Variants in CDK8 observed in about 807,000 individuals in gnomAD.
CDK8 encodes the protein cyclin-dependent kinase 8.
Under a neutral mutation model 71.5 loss-of-function variants are expected in CDK8, and 29 were observed. The ratio of observed to expected loss-of-function variants is 0.41; its 90% CI spans 0.30 to 0.55. The LOEUF (loss-of-function observed/expected upper bound fraction) is 0.55. CDK8 is among the 20% of genes least tolerant of loss of function. The pLI, the probability that CDK8 is intolerant of heterozygous loss-of-function variation, is 0.37. For synonymous variants in CDK8, 161 were observed against 192.1 expected, an observed-to-expected ratio of 0.84 and a Z score of 1.34; for missense variants, 288 against 572.6, an observed-to-expected ratio of 0.50 and a Z score of 5.07.
chr13:26,289,974 T>G (rs1221778370), intron 1 of CDK8, among the ~76,000 whole-genome samples: 1 of 152,252 alleles, frequency 6.6e-6, no homozygotes, highest in East Asian at 1.9e-4. Context: ...TTAGATTTTC[T>G]TGAGTACTCT....
At chr13:26,342,535 G>T (rs537137198) in intron 2 of CDK8, among the ~76,000 whole-genome samples, 22 of 152,194 alleles carry the variant, frequency 1.4e-4, no homozygotes, top group Admixed American at 3.9e-4. Flanking sequence ...TGCCTGGCGT[G>T]TAGTAGGCAT....
chr13:26,298,656 A>G, intron 1 of CDK8, among the ~76,000 whole-genome samples: 1 of 152,114 alleles, frequency 6.6e-6, no homozygotes, highest in East Asian at 1.9e-4. Context: ...GTCAAAACCC[A>G]CAGCAGGGGA....
chr13:26,399,309 C>T (rs535580775), intron 9 of CDK8, among the ~76,000 whole-genome samples: 1 of 152,304 alleles, frequency 6.6e-6, no homozygotes, highest in Admixed American at 6.5e-5. Flanking sequence ...CACACCTGGC[C>T]TCTCTTTTAA....
chr13:26,396,248 C>G, intron 7 of CDK8, 37 bp from the exon 8 acceptor site: 3 of 900,088 alleles, frequency 3.3e-6, no homozygotes, highest in Non-Finnish European at 3.3e-6. Flanking sequence ...AGAATAGGAA[C>G]TTAGGCAACA....
chr13:26,336,195 C>T (rs1872975631), intron 1 of CDK8, among the ~76,000 whole-genome samples: 1 of 152,012 alleles, frequency 6.6e-6, no homozygotes, highest in Non-Finnish European at 1.5e-5. Context: ...CCTGGAACCC[C>T]CTGGGTGTCT....
At chr13:26,379,046 A>G (rs887856687) in intron 4 of CDK8, among the ~76,000 whole-genome samples, 1 of 152,222 alleles carries the variant, frequency 6.6e-6, no homozygotes, top group Admixed American at 6.5e-5. Flanking sequence ...TAAGATTCCC[A>G]TTAGATTACA....
At chr13:26,326,843 T>C (rs1291873912) in intron 1 of CDK8, among the ~76,000 whole-genome samples, 1 of 152,314 alleles carries the variant, frequency 6.6e-6, no homozygotes, top group East Asian at 1.9e-4. Context: ...GATAGTTGTT[T>C]CCATCAATGA....
At chr13:26,286,269 A>G (rs1009324782) in intron 1 of CDK8, among the ~76,000 whole-genome samples, 1 of 152,218 alleles carries the variant, frequency 6.6e-6, no homozygotes, top group Non-Finnish European at 1.5e-5. Context: ...TATATACTAC[A>G]AGGCTATAGT....
chr13:26,338,387 T>G (rs1247779680), intron 2 of CDK8, among the ~76,000 whole-genome samples: 2 of 152,118 alleles, frequency 1.3e-5, no homozygotes, highest in Admixed American at 1.3e-4. Flanking sequence ...GCAAGTTTAC[T>G]AAGATTCTGT....
At chr13:26,263,792 C>T (rs932833114) in intron 1 of CDK8, among the ~76,000 whole-genome samples, 1 of 143,948 alleles carries the variant, frequency 6.9e-6, no homozygotes, top group Non-Finnish European at 1.5e-5. Context: ...TGTCACCCAG[C>T]CTGGAGTGCA....
At chr13:26,335,955 G>A (rs10162022) in intron 1 of CDK8, among the ~76,000 whole-genome samples, 15,162 of 135,256 alleles carry the variant, frequency 0.11, 2,478 homozygotes, top group African/African-American at 0.37. Context: ...AACAACAACA[G>A]ACCTTTAAAG....
At chr13:26,291,304 A>G (rs1284229067) in intron 1 of CDK8, among the ~76,000 whole-genome samples, 1 of 152,144 alleles carries the variant, frequency 6.6e-6, no homozygotes, top group East Asian at 1.9e-4. Flanking sequence ...TTTGCACAAC[A>G]GTGAAATTGT....
rs556475661 is a variant in CDK8 at position 26,254,886 on chromosome 13, G to A, written c.128+117G>A. ...GCCGGGCTCTGACTTCCTCGACGCC[G>A]GCCTCTGGCTCCGCCAGCCAGGTTT... On this transcript the variant is annotated intron_variant, in intron 1 of 12. Transcript: ENST00000381527. This position sits in a 1 kb window ranked among gnomAD's most constrained non-coding sequence, Gnocchi z 6.7. 3.9e-4 allele frequency: 550 copies of A among 1,412,676 alleles called. 1 individual carries two copies. In the African/African-American group the frequency reaches 7.1e-3, roughly 18 times the overall value. 87.5% of individuals were successfully genotyped at this position (1,412,676 alleles called of 1,614,324 possible).
At chr13:26,264,904 G>C (rs1871956159) in intron 1 of CDK8, among the ~76,000 whole-genome samples, 3 of 152,120 alleles carry the variant, frequency 2.0e-5, no homozygotes, top group Admixed American at 2.0e-4. Context: ...CAAATGATAT[G>C]ATTTCCTTCT....
chr13:26,346,515 T>C (rs1203708033), intron 2 of CDK8, among the ~76,000 whole-genome samples: 2 of 152,194 alleles, frequency 1.3e-5, no homozygotes, highest in African/African-American at 4.8e-5. Context: ...GTGTTCCAAT[T>C]TTGAGATAAT....
chr13:26,287,012 G>C (rs910077010), intron 1 of CDK8, among the ~76,000 whole-genome samples: 2 of 152,188 alleles, frequency 1.3e-5, no homozygotes, highest in African/African-American at 4.8e-5. Context: ...ACAGATGTTG[G>C]TGTAGATGTG....
intron 6 of CDK8, among the ~76,000 whole-genome samples, chr13:26,390,665 G>A (rs1295307850): frequency 1.3e-5 from 2 of 152,144 alleles, no homozygotes; most frequent in African/African-American, 2.4e-5. Flanking sequence ...TAGCTGCATG[G>A]CCACTAAATG....
At chr13:26,371,111 C>T (rs754545933) in intron 4 of CDK8, among the ~76,000 whole-genome samples, 4 of 152,000 alleles carry the variant, frequency 2.6e-5, no homozygotes, top group Non-Finnish European at 4.4e-5. Context: ...ACCCCCAGCC[C>T]CAGAAGTTTT....
chr13:26,354,025 G>C (rs1231092764), intron 4 of CDK8, 145 bp downstream of exon 4: 3 of 676,266 alleles, frequency 4.4e-6, no homozygotes, highest in African/African-American at 3.7e-5. Flanking sequence ...ACATGGCCTA[G>C]TAGTGTTTTT....
Sources: allele counts gnomAD v4.1 joint callset (sites outside exome capture counted in the v4.1 genomes callset), GRCh38; gene constraint gnomAD v4.1.1; non-coding constraint Gnocchi (gnomAD v3.1); transcripts MANE v1.5; gene names NCBI Gene and HGNC (gene_info 2026-07-23, HGNC 2026-07-21).